Variants in GRIN2A observed in about 807,000 individuals in gnomAD.
The protein encoded by GRIN2A is glutamate ionotropic receptor NMDA type subunit 2A, also known as glutamate receptor ionotropic, NMDA 2A.
GRIN2A carries 22 observed loss-of-function variants against 113.4 expected under a neutral mutation model. The observed-to-expected ratio is 0.19, with a 90% CI of 0.14 to 0.28. The LOEUF is 0.28. Among genes scored for constraint, GRIN2A ranks in the 10% least tolerant of loss-of-function variants. The probability of loss-of-function intolerance (pLI) is 1.00; values close to 1 mark genes in which losing one functional copy is unlikely to be tolerated. For missense variants in GRIN2A, 1,502 were observed against 1,887.0 expected, an observed-to-expected ratio of 0.80 and a Z score of 3.78; for synonymous variants, 827 against 738.4, an observed-to-expected ratio of 1.12 and a Z score of -1.94.
intron 2 of GRIN2A, among the ~76,000 whole-genome samples, chr16:9,994,841 G>C (rs1314285530): frequency 6.6e-6 from 1 of 152,196 alleles, no homozygotes; most frequent in Admixed American, 6.5e-5. Context: ...ATGGTAATTA[G>C]AGGTATTCCT....
At chr16:9,959,622 G>T (rs989280509) in intron 2 of GRIN2A, among the ~76,000 whole-genome samples, 1 of 152,208 alleles carries the variant, frequency 6.6e-6, no homozygotes, top group African/African-American at 2.4e-5. Context: ...CTAAAGCAAG[G>T]AGCCCAAAGA....
chr16:9,788,752 T>C (rs1902405335), intron 11 of GRIN2A, among the ~76,000 whole-genome samples: 1 of 150,468 alleles, frequency 6.6e-6, no homozygotes, highest in African/African-American at 2.4e-5. Context: ...TTTTTTTTTT[T>C]TTTTTTCTGA....
rs531103151 is a variant in GRIN2A, at chr16:9,976,588, G to A, written c.415-38037C>T. ...ACCCTGAACCAACTGAGACTCAGAA[G>A]TGCTGGTGGCATTCAGCATCCAAGA... is the stretch of plus-strand genomic sequence containing the variant. On this transcript the variant is annotated intron_variant, in intron 2 of 12. Transcript: ENST00000330684. Among the ~76,000 whole-genome samples, 8 of 152,344 alleles carry A rather than the reference G, an allele frequency of 5.3e-5. No individual in the cohort carries two copies. The South Asian group carries it at 1.7e-3, about 32-fold the overall frequency.
intron 2 of GRIN2A, among the ~76,000 whole-genome samples, chr16:10,126,883 A>C (rs900343472): frequency 3.9e-5 from 6 of 152,152 alleles, no homozygotes; most frequent in Admixed American, 1.3e-4. Flanking sequence ...CTACAGCACC[A>C]GTCTACACTT....
intron 9 of GRIN2A, among the ~76,000 whole-genome samples, chr16:9,826,893 C>T (rs1300948160): frequency 1.3e-5 from 2 of 152,180 alleles, no homozygotes; most frequent in African/African-American, 4.8e-5. Context: ...AGGATTTCCC[C>T]CCGCCCTTGC....
At chr16:10,179,893 C>CCCAAAAAAA in intron 2 of GRIN2A, 105 bp downstream of exon 2, 1 of 719,816 alleles carries the variant, frequency 1.4e-6, no homozygotes, top group Non-Finnish European at 2.4e-6. Context: ...CCCCCACCCC[C>CCCAAAAAAA]ACTTCACATC....
chr16:10,166,307 T>C (rs935363943), intron 2 of GRIN2A, among the ~76,000 whole-genome samples: 5 of 152,106 alleles, frequency 3.3e-5, no homozygotes, highest in African/African-American at 9.7e-5. Flanking sequence ...AGAAATGCCA[T>C]CCAGAGGAGA....
At chr16:9,897,506 T>C (rs987692118) in intron 3 of GRIN2A, among the ~76,000 whole-genome samples, 14 of 152,160 alleles carry the variant, frequency 9.2e-5, no homozygotes, top group African/African-American at 2.4e-4. Context: ...CGTGTAGCTA[T>C]TGAGCATTTG....
At chr16:9,982,080 G>C (rs2045902449) in intron 2 of GRIN2A, among the ~76,000 whole-genome samples, 1 of 152,120 alleles carries the variant, frequency 6.6e-6, no homozygotes, top group African/African-American at 2.4e-5. Context: ...GAGCCCCGCA[G>C]CCAGTGTAAT....
chr16:10,180,771 C>G lies in GRIN2A; in HGVS notation c.-18-342G>C. On this transcript the variant is annotated intron_variant, in intron 1 of 12. Transcript: ENST00000330684. This position sits in a 1 kb window ranked among gnomAD's most constrained non-coding sequence, Gnocchi z 7.0. ...GCCGCGGGCCACAGACCCTAAGCGC[C>G]GCGCGTGTTCTGTACCCCACCAAGC... 1 of 442,324 alleles carries G rather than the reference C, an allele frequency of 2.3e-6. No individual in the cohort carries two copies. The highest frequency in any genetic ancestry group is 2.2e-5 in the South Asian group (1 of 45,964). 27.4% of individuals were successfully genotyped at this position (442,324 alleles called of 1,614,324 possible).
chr16:9,914,951 T>C (rs896173402), intron 3 of GRIN2A, among the ~76,000 whole-genome samples: 1 of 99,546 alleles, frequency 1.0e-5, no homozygotes, highest in Non-Finnish European at 1.9e-5. Flanking sequence ...TTTTTTTTTT[T>C]AATGAGACGG....
chr16:9,772,058 A>G (rs1901305159), intron 11 of GRIN2A, among the ~76,000 whole-genome samples: 1 of 152,200 alleles, frequency 6.6e-6, no homozygotes, highest in Non-Finnish European at 1.5e-5. Flanking sequence ...TAGGAAATCC[A>G]TCCCTTTCCA....
At chr16:9,832,942 T>C (rs1414446454) in intron 8 of GRIN2A, among the ~76,000 whole-genome samples, 3 of 152,360 alleles carry the variant, frequency 2.0e-5, no homozygotes, top group African/African-American at 4.8e-5. Flanking sequence ...CCATGACCTG[T>C]TGAGTATTTC....
chr16:9,835,741 C>T (rs2042573881), intron 7 of GRIN2A, among the ~76,000 whole-genome samples: 1 of 152,090 alleles, frequency 6.6e-6, no homozygotes, highest in African/African-American at 2.4e-5. Flanking sequence ...TGATAGCAGG[C>T]CACCTTCTTA....
chr16:10,104,020 A>T (rs954363927), intron 2 of GRIN2A, among the ~76,000 whole-genome samples: 2 of 152,346 alleles, frequency 1.3e-5, no homozygotes, highest in Middle Eastern at 6.8e-3. Context: ...CAGTTTATCA[A>T]TGTCCTTCTT....
intron 10 of GRIN2A, chr16:9,805,447 TC>T (rs1468106136): frequency 2.6e-5 from 4 of 152,198 alleles, no homozygotes; most frequent in East Asian, 1.9e-4. Context: ...TTAAAACATC[TC>T]TTTGATGATA....
At chr16:9,907,313 A>G (rs1440619381) in intron 3 of GRIN2A, among the ~76,000 whole-genome samples, 1 of 152,242 alleles carries the variant, frequency 6.6e-6, no homozygotes, top group African/African-American at 2.4e-5. Flanking sequence ...AGAAACACAG[A>G]ACAGCTTGAA....
At chr16:10,156,672 G>C (rs575610710) in intron 2 of GRIN2A, among the ~76,000 whole-genome samples, 1 of 152,328 alleles carries the variant, frequency 6.6e-6, no homozygotes, top group South Asian at 2.1e-4. Flanking sequence ...TCAAGCCTAA[G>C]AAATGGAAAA....
rs888899031 is a variant in GRIN2A, at chr16:9,757,845, T to C, written c.*5304A>G. ...AAGGAAAACCAAATTCAAAGAAGCA[T>C]GGGTAGGTCTTTCTGGGGCAAGTGG... On this transcript the variant is annotated 3_prime_UTR_variant, in exon 13 of 13. Transcript: ENST00000330684. The C allele has an allele frequency of 1.8e-5, 4 of 225,400 alleles. No individual in the cohort carries two copies. The highest frequency in any genetic ancestry group is 8.9e-5 in the African/African-American group (4 of 44,900). The allele number at this position is 225,400 out of a possible 1,614,324, so 14.0% of individuals were successfully genotyped here.
Sources: gnomAD v4.1 joint callset for allele counts (sites outside exome capture counted in the v4.1 genomes callset) on GRCh38, gnomAD v4.1.1 for gene constraint, Gnocchi (gnomAD v3.1) non-coding constraint, MANE v1.5 for transcripts, NCBI Gene and HGNC (gene_info 2026-07-23, HGNC 2026-07-21) for gene names.